QPCT: variants seen among roughly 807,000 people sequenced by gnomAD.
QPCT encodes the protein glutaminyl-peptide cyclotransferase.
A neutral mutation model predicts 43.4 loss-of-function variants in QPCT; 44 were observed. That is an observed-to-expected ratio of 1.01 (90% CI 0.80 to 1.30). The LOEUF (loss-of-function observed/expected upper bound fraction) is 1.30. Ranked by LOEUF, QPCT falls within the 50% of genes most tolerant of loss-of-function variation. The pLI is 0.00. For missense variants in QPCT, 526 were observed against 436.5 expected (o/e 1.21, Z -1.83); for synonymous variants, 168 against 168.4 (o/e 1.00, Z 0.02).
At chr2:37,368,007 A>G (rs548711831) in intron 4 of QPCT, among the ~76,000 whole-genome samples, 42 of 152,294 alleles carry the variant, frequency 2.8e-4, no homozygotes, top group African/African-American at 9.4e-4. Context: ...TTCCCCCAGT[A>G]CTGTATGGAG....
At chr2:37,347,164 A>ATATATATATAT (rs555548922) in intron 1 of QPCT, among the ~76,000 whole-genome samples, 15 of 29,774 alleles carry the variant, frequency 5.0e-4, no homozygotes, top group African/African-American at 6.7e-4. Flanking sequence ...ATATATATAT[A>ATATATATATAT]ACATATATAT....
In QPCT at chr2:37,344,863, T is replaced by C. The variant is rs1027591811; in HGVS notation, c.120+12T>C. The C allele has an allele frequency of 8.3e-6, 13 of 1,572,448 alleles. No individual in the cohort carries two copies. Among genetic ancestry groups the C allele is most frequent in the Non-Finnish European group, 1.1e-5 (13 of 1,161,482 alleles). On this transcript the variant is annotated intron_variant, in intron 1 of 6. Coordinates refer to ENST00000338415, the MANE Select transcript of QPCT (RefSeq NM_012413.4). ...GGCCAGAGGAGAAGGTGAGGGGCTG[T>C]TTCTGCGTAGTTGTACTTGAGCGGC...
chr2:37,347,179 A>C (rs1327913645), intron 1 of QPCT, among the ~76,000 whole-genome samples: 1 of 50,770 alleles, frequency 2.0e-5, no homozygotes, highest in Non-Finnish European at 3.2e-5. Flanking sequence ...ATATATATAT[A>C]ACATATATAT....
At chr2:37,372,580 T>G in intron 6 of QPCT, 102 bp from the exon 7 acceptor site, 1 of 1,475,910 alleles carries the variant, frequency 6.8e-7, no homozygotes, top group Non-Finnish European at 9.4e-7. Flanking sequence ...AATTATCAGC[T>G]GTCTTTATGT....
At chr2:37,368,833 G>C (rs991683573) in intron 4 of QPCT, among the ~76,000 whole-genome samples, 1 of 152,172 alleles carries the variant, frequency 6.6e-6, no homozygotes, top group Non-Finnish European at 1.5e-5. Flanking sequence ...TTTGTTGAAT[G>C]AAGATCATTT....
intron 1 of QPCT, among the ~76,000 whole-genome samples, chr2:37,345,267 C>T (rs934149328): frequency 1.3e-5 from 2 of 151,576 alleles, no homozygotes; most frequent in Non-Finnish European, 2.9e-5. Flanking sequence ...TGGGGGTGTG[C>T]CCACAGCCCC....
At chr2:37,352,967 T>C in intron 2 of QPCT, 32 bp downstream of exon 2, 2 of 1,594,224 alleles carry the variant, frequency 1.3e-6, no homozygotes, top group Non-Finnish European at 1.7e-6. Context: ...CTCAAGCTTG[T>C]GTGAATACTG....
chr2:37,362,511 G>T (rs540312822), intron 3 of QPCT, among the ~76,000 whole-genome samples: 1 of 152,352 alleles, frequency 6.6e-6, no homozygotes, highest in South Asian at 2.1e-4. Flanking sequence ...GGAGCAATAT[G>T]AAATGATTAG....
At chr2:37,357,215 T>C (rs1348166271) in intron 2 of QPCT, among the ~76,000 whole-genome samples, 15 of 152,126 alleles carry the variant, frequency 9.9e-5, no homozygotes, top group Admixed American at 9.8e-4. Context: ...CAATCTGCAA[T>C]TGGTGTTGAA....
chr2:37,369,352 G>C (rs538228000), intron 4 of QPCT, among the ~76,000 whole-genome samples: 23 of 152,300 alleles, frequency 1.5e-4, no homozygotes, highest in African/African-American at 5.3e-4. Flanking sequence ...GATAGGCTTG[G>C]ACTCCTTTCT....
intron 3 of QPCT, among the ~76,000 whole-genome samples, chr2:37,364,689 C>T (rs1672926751): frequency 6.6e-6 from 1 of 152,208 alleles, no homozygotes; most frequent in East Asian, 1.9e-4. Flanking sequence ...GGGGGTTTTG[C>T]CATCCATTTG....
intron 2 of QPCT, among the ~76,000 whole-genome samples, chr2:37,354,028 C>G (rs906196017): frequency 6.6e-6 from 1 of 152,220 alleles, no homozygotes; most frequent in Non-Finnish European, 1.5e-5. Flanking sequence ...CCATGCCCGG[C>G]TAATTTTTGT....
intron 4 of QPCT, among the ~76,000 whole-genome samples, chr2:37,367,932 G>T (rs950563115): frequency 6.6e-6 from 1 of 152,112 alleles, no homozygotes; most frequent in Non-Finnish European, 1.5e-5. Flanking sequence ...TAATTAAAAT[G>T]ATAAAATCAT....
intron 1 of QPCT, among the ~76,000 whole-genome samples, chr2:37,345,828 T>G (rs1205072209): frequency 8.5e-6 from 1 of 117,416 alleles, no homozygotes; most frequent in Non-Finnish European, 1.7e-5. Context: ...ACAGCGAGAC[T>G]CCGTCTCAAA....
At position 37,362,902 on chromosome 2, in the gene QPCT, G is replaced by A. The variant is rs112374498; in HGVS notation, c.546+3044G>A. On this transcript the variant is annotated intron_variant, in intron 3 of 6. Coordinates refer to ENST00000338415, the MANE Select transcript of QPCT (RefSeq NM_012413.4). ...TTCCCACCCCACACCAGGCAGGTAA[G>A]TGAGTGCCCCCTTGTGCCTTTGCCA... Among the ~76,000 whole-genome samples the A allele has an allele frequency of 4.8e-3, 733 of 152,288 alleles. 7 individuals carry two copies. Among genetic ancestry groups the A allele is most frequent in the African/African-American group, 0.017 (711 of 41,512 alleles).
chr2:37,352,980 C>A, intron 2 of QPCT, 45 bp downstream of exon 2: 1 of 1,582,450 alleles, frequency 6.3e-7, no homozygotes. Context: ...GAATACTGTG[C>A]TTTCTCATGA....
At chr2:37,350,833 T>C (rs984793704) in intron 1 of QPCT, among the ~76,000 whole-genome samples, 6 of 152,254 alleles carry the variant, frequency 3.9e-5, no homozygotes, top group Admixed American at 2.0e-4. Flanking sequence ...ATATTTACTA[T>C]GGCAGTTTAC....
intron 1 of QPCT, among the ~76,000 whole-genome samples, chr2:37,345,280 CG>C (rs1672460152): frequency 6.7e-6 from 1 of 149,138 alleles, no homozygotes; most frequent in South Asian, 2.1e-4. Flanking sequence ...ACAGCCCCCC[CG>C]CTGCTTCATC....
At chr2:37,364,841 G>A (rs1279848043) in intron 3 of QPCT, among the ~76,000 whole-genome samples, 1 of 151,980 alleles carries the variant, frequency 6.6e-6, no homozygotes, top group African/African-American at 2.4e-5. Context: ...CGGCAGTGAA[G>A]TCAGGGCTGG....
Sources: gnomAD v4.1 joint callset for allele counts (sites outside exome capture counted in the v4.1 genomes callset) on GRCh38, gnomAD v4.1.1 for gene constraint, MANE v1.5 for transcripts, NCBI Gene and HGNC (gene_info 2026-07-23, HGNC 2026-07-21) for gene names.